The following CFAP299 variants were observed in gnomAD, a reference collection of about 807,000 sequenced individuals.
CFAP299 encodes the protein cilia and flagella associated protein 299, also known as cilia- and flagella-associated protein 299.
In CFAP299, 21 loss-of-function variants were observed where a neutral mutation model predicts 27.0. The ratio of observed to expected loss-of-function variants is 0.78; its 90% CI spans 0.55 to 1.12. The LOEUF (loss-of-function observed/expected upper bound fraction) is 1.12, where lower values mean the gene tolerates loss of function less well. Ranked by LOEUF, CFAP299 falls within the 50% of genes most tolerant of loss-of-function variation. CFAP299 has a pLI of 0.00. For missense variants in CFAP299, 310 were observed against 276.6 expected (o/e 1.12, Z -0.86); for synonymous variants, 104 against 98.1 (o/e 1.06, Z -0.36).
intron 5 of CFAP299, among the ~76,000 whole-genome samples, chr4:80,954,409 A>G (rs1737945021): frequency 6.6e-6 from 1 of 152,210 alleles, no homozygotes; most frequent in South Asian, 2.1e-4. Flanking sequence ...TTATTAGAAT[A>G]TGGAATACAA....
rs147398511 is a variant in CFAP299, at chr4:80,450,812, A to G, written c.242+87928A>G. ...AACTTAATGAAATAAATATAATCAG[A>G]GCACTTCTTTATACTGAAGTACATT... On this transcript the variant is annotated intron_variant, in intron 2 of 5. Coordinates refer to ENST00000358105, the MANE Select transcript of CFAP299 (RefSeq NM_152770.3). Among the ~76,000 whole-genome samples the G allele has an allele frequency of 8.9e-3, 1,350 of 152,032 alleles. 22 individuals carry two copies. The highest frequency in any genetic ancestry group is 0.03 in the African/African-American group (1,244 of 41,464).
intron 3 of CFAP299, among the ~76,000 whole-genome samples, chr4:80,648,742 C>T (rs1306071196): frequency 6.6e-6 from 1 of 152,028 alleles, no homozygotes; most frequent in African/African-American, 2.4e-5. Context: ...TCACAACAGC[C>T]TCATTGTTTT....
intron 2 of CFAP299, among the ~76,000 whole-genome samples, chr4:80,546,640 G>A (rs1360130023): frequency 1.3e-5 from 2 of 152,096 alleles, no homozygotes; most frequent in Admixed American, 6.6e-5. Context: ...GCTCAGTGCT[G>A]TCCTCATGAT....
intron 3 of CFAP299, among the ~76,000 whole-genome samples, chr4:80,616,497 C>T (rs1331570366): frequency 6.6e-6 from 1 of 151,774 alleles, no homozygotes; most frequent in Non-Finnish European, 1.5e-5. Context: ...CTAGTCCCAA[C>T]TTTATTTTAC....
chr4:80,406,807 G>A (rs60513752), intron 2 of CFAP299, among the ~76,000 whole-genome samples: 28,868 of 152,002 alleles, frequency 0.19, 2,909 homozygotes, highest in South Asian at 0.29. Context: ...CTATTGATAG[G>A]CATCTCATTT....
chr4:80,351,566 G>A (rs1723015785), intron 1 of CFAP299, among the ~76,000 whole-genome samples: 1 of 151,806 alleles, frequency 6.6e-6, no homozygotes, highest in Non-Finnish European at 1.5e-5. Context: ...CAAAGCAAAT[G>A]GGACTAATAA....
chr4:80,346,490 T>C (rs1424423697), intron 1 of CFAP299, among the ~76,000 whole-genome samples: 1 of 152,242 alleles, frequency 6.6e-6, no homozygotes, highest in African/African-American at 2.4e-5. Flanking sequence ...GCTTTCTACA[T>C]ATGGCCAGAC....
intron 4 of CFAP299, among the ~76,000 whole-genome samples, chr4:80,926,036 G>A (rs969700035): frequency 5.9e-5 from 9 of 152,176 alleles, no homozygotes; most frequent in Admixed American, 3.3e-4. Flanking sequence ...TTTCCCATGG[G>A]AAGTATTGCA....
At chr4:80,885,062 G>A (rs1371879565) in intron 4 of CFAP299, among the ~76,000 whole-genome samples, 1 of 152,174 alleles carries the variant, frequency 6.6e-6, no homozygotes, top group East Asian at 1.9e-4. Flanking sequence ...GGAGAGTTTA[G>A]TGACTGGGTG....
At chr4:80,837,846 C>A (rs1428536579) in intron 3 of CFAP299, among the ~76,000 whole-genome samples, 2 of 152,104 alleles carry the variant, frequency 1.3e-5, no homozygotes, top group African/African-American at 4.8e-5. Flanking sequence ...GAATCACCAT[C>A]CTGTCTTCCA....
At chr4:80,727,985 A>T (rs1253008582) in intron 3 of CFAP299, among the ~76,000 whole-genome samples, 1 of 152,024 alleles carries the variant, frequency 6.6e-6, no homozygotes. Context: ...TTTGTTTTGC[A>T]GTGAAAGAAT....
At chr4:80,347,500 G>T (rs1373906841) in intron 1 of CFAP299, among the ~76,000 whole-genome samples, 1 of 152,126 alleles carries the variant, frequency 6.6e-6, no homozygotes, top group Non-Finnish European at 1.5e-5. Flanking sequence ...GGCAAGCAAA[G>T]AGCCGAATCA....
Position 80,630,885 on chromosome 4 carries a change from C to G in CFAP299, c.333+47702C>G, listed in dbSNP as rs1739172282. 2.0e-5 allele frequency among the ~76,000 whole-genome samples: 3 copies of G among 151,910 alleles called. No homozygotes were observed. The South Asian group carries it at 6.2e-4, about 31-fold the overall frequency. The stretch of plus-strand genomic sequence containing the variant: ...GTTACGTTAACATATTACTTCAGGA[C>G]AAGATGTTTTAGAAATTAATTAGGA... On this transcript the variant is annotated intron_variant, in intron 3 of 5. Coordinates refer to ENST00000358105, the MANE Select transcript of CFAP299 (RefSeq NM_152770.3).
intron 3 of CFAP299, among the ~76,000 whole-genome samples, chr4:80,602,803 G>T (rs779766293): frequency 5.9e-5 from 9 of 152,070 alleles, no homozygotes; most frequent in Non-Finnish European, 1.3e-4. Flanking sequence ...AGCTTCTCCT[G>T]CCCTTTGGCC....
intron 3 of CFAP299, among the ~76,000 whole-genome samples, chr4:80,783,695 A>G (rs1727068004): frequency 6.6e-6 from 1 of 152,156 alleles, no homozygotes; most frequent in Admixed American, 6.6e-5. Flanking sequence ...GAACAACATC[A>G]CTGGGTTCTA....
At chr4:80,717,034 A>G (rs1182967576) in intron 3 of CFAP299, among the ~76,000 whole-genome samples, 1 of 152,144 alleles carries the variant, frequency 6.6e-6, no homozygotes, top group Admixed American at 6.6e-5. Context: ...CATTTATTTA[A>G]TATTTATTGA....
At chr4:80,628,197 A>G (rs1739013264) in intron 3 of CFAP299, among the ~76,000 whole-genome samples, 1 of 152,152 alleles carries the variant, frequency 6.6e-6, no homozygotes, top group Non-Finnish European at 1.5e-5. Context: ...CAGCTGGCTG[A>G]TTTTTGACAG....
intron 3 of CFAP299, among the ~76,000 whole-genome samples, chr4:80,784,930 A>G (rs1727154687): frequency 1.3e-5 from 2 of 152,150 alleles, no homozygotes; most frequent in Admixed American, 1.3e-4. Flanking sequence ...TGATTTCTTT[A>G]CAAATTTTGG....
chr4:80,648,365 A>T (rs1740128523), intron 3 of CFAP299, among the ~76,000 whole-genome samples: 1 of 152,128 alleles, frequency 6.6e-6, no homozygotes, highest in African/African-American at 2.4e-5. Context: ...TAAAATGGTA[A>T]CTACTTGGGC....
Sources: allele counts gnomAD v4.1 joint callset (sites outside exome capture counted in the v4.1 genomes callset), GRCh38; gene constraint gnomAD v4.1.1; transcripts MANE v1.5; gene names NCBI Gene and HGNC (gene_info 2026-07-23, HGNC 2026-07-21).